FBXO4: variants seen among roughly 807,000 people sequenced by gnomAD.
FBXO4 encodes the protein F-box only protein 4.
Under a neutral mutation model 43.7 loss-of-function variants are expected in FBXO4, and 36 were observed. The ratio of observed to expected loss-of-function variants is 0.82; its 90% CI spans 0.63 to 1.09. FBXO4 has a LOEUF of 1.09. Among genes scored for constraint, FBXO4 ranks in the 50% least tolerant of loss-of-function variants. The probability of loss-of-function intolerance (pLI) is 0.00; values close to 1 mark genes in which losing one functional copy is unlikely to be tolerated. For missense variants in FBXO4, 435 were observed against 474.1 expected, an observed-to-expected ratio of 0.92 and a Z score of 0.77; for synonymous variants, 180 against 165.6, an observed-to-expected ratio of 1.09 and a Z score of -0.67.
At chr5:41,949,218 A>G in the FBXO4 span, among the ~76,000 whole-genome samples, 1 of 152,196 alleles carries the variant, frequency 6.6e-6, no homozygotes. Context: ...GGCCAGGGCA[A>G]TCAGGCAAGA....
the FBXO4 span, among the ~76,000 whole-genome samples, chr5:41,980,547 T>C: frequency 3.3e-5 from 5 of 152,154 alleles, no homozygotes; most frequent in Admixed American, 6.5e-5. Context: ...AGGCAGGAGT[T>C]GTAAATTATT....
At chr5:42,039,772 A>G in the FBXO4 span, among the ~76,000 whole-genome samples, 1 of 152,138 alleles carries the variant, frequency 6.6e-6, no homozygotes, top group South Asian at 2.1e-4. Flanking sequence ...TAAGTGCCCA[A>G]ATCAATTTGA....
the FBXO4 span, among the ~76,000 whole-genome samples, chr5:42,026,730 T>C: frequency 2.5e-4 from 38 of 151,836 alleles, 1 homozygote; most frequent in South Asian, 7.3e-3. Context: ...ATGAGGTATA[T>C]TCCTTCTACA....
chr5:41,999,555 A>ATATATG, the FBXO4 span, among the ~76,000 whole-genome samples: 337 of 119,888 alleles, frequency 2.8e-3, 6 homozygotes, highest in Middle Eastern at 8.2e-3. Flanking sequence ...GTATATATAT[A>ATATATG]TATATATGTA....
At chr5:41,947,744 T>G in the FBXO4 span, among the ~76,000 whole-genome samples, 1 of 152,296 alleles carries the variant, frequency 6.6e-6, no homozygotes, top group Middle Eastern at 3.4e-3. Flanking sequence ...GTGGTCAAAG[T>G]GAGAAAGCTT....
At chr5:41,985,196 G>A in the FBXO4 span, among the ~76,000 whole-genome samples, 5 of 152,102 alleles carry the variant, frequency 3.3e-5, no homozygotes, top group African/African-American at 1.2e-4. Flanking sequence ...TATTCTAAAT[G>A]CTTCCCATTG....
At chr5:41,948,962 C>T in the FBXO4 span, among the ~76,000 whole-genome samples, 1 of 152,100 alleles carries the variant, frequency 6.6e-6, no homozygotes, top group Non-Finnish European at 1.5e-5. Flanking sequence ...ATGACAAAAA[C>T]GACATGATTA....
chr5:42,030,850 T>C, the FBXO4 span, among the ~76,000 whole-genome samples: 1 of 151,884 alleles, frequency 6.6e-6, no homozygotes, highest in East Asian at 1.9e-4. Flanking sequence ...AAAAAATACA[T>C]AAAAAAATCC....
chr5:41,930,142 T>C, intron 3 of FBXO4: 1 of 474,320 alleles, frequency 2.1e-6, no homozygotes, highest in Non-Finnish European at 3.7e-6. Flanking sequence ...TTTAAGATTA[T>C]GTGAAAATAA....
chr5:42,015,323 A>C, the FBXO4 span, among the ~76,000 whole-genome samples: 1 of 152,208 alleles, frequency 6.6e-6, no homozygotes. Context: ...AAACTGACAC[A>C]TTTCTATTAC....
At chr5:42,001,619 A>G in the FBXO4 span, among the ~76,000 whole-genome samples, 2 of 152,190 alleles carry the variant, frequency 1.3e-5, no homozygotes, top group East Asian at 3.8e-4. Context: ...GGTTAAGTTT[A>G]TTCCTAAGTA....
chr5:41,967,612 C>T, the FBXO4 span: 4 of 1,082,306 alleles, frequency 3.7e-6, no homozygotes, highest in Non-Finnish European at 5.6e-6. Context: ...CCACATTCTT[C>T]CCTAGGGTTG....
chr5:41,953,768 T>C, the FBXO4 span, among the ~76,000 whole-genome samples: 1 of 151,886 alleles, frequency 6.6e-6, no homozygotes, highest in Non-Finnish European at 1.5e-5. Context: ...CATTTTTTCA[T>C]GTGTCTTTTG....
At chr5:41,929,550 G>C in intron 2 of FBXO4, 147 bp from the exon 3 acceptor site, 2 of 625,218 alleles carry the variant, frequency 3.2e-6, no homozygotes, top group Admixed American at 3.4e-5. Context: ...TATTATAAAG[G>C]TGTCTGTCTA....
downstream of FBXO4, among the ~76,000 whole-genome samples, chr5:41,945,634 A>G (rs1004180465): frequency 6.6e-6 from 1 of 152,196 alleles, no homozygotes; most frequent in African/African-American, 2.4e-5. Flanking sequence ...AGAAAAGCCG[A>G]CGTTCATAGC....
chr5:41,986,674 C>G, the FBXO4 span, among the ~76,000 whole-genome samples: 1 of 152,086 alleles, frequency 6.6e-6, no homozygotes, highest in African/African-American at 2.4e-5. Context: ...TTCTTTCACT[C>G]AAGTGCTAAC....
downstream of FBXO4, among the ~76,000 whole-genome samples, chr5:41,946,545 C>G (rs1357241174): frequency 3.3e-5 from 5 of 152,276 alleles, no homozygotes; most frequent in African/African-American, 1.2e-4. Context: ...CAGAAACGAT[C>G]TATTTCATGA....
chr5:41,958,187 T>G, the FBXO4 span, among the ~76,000 whole-genome samples: 1 of 148,536 alleles, frequency 6.7e-6, no homozygotes, highest in Admixed American at 6.9e-5. Flanking sequence ...CAGGCTGGAG[T>G]GCAGTGGCGC....
the FBXO4 span, among the ~76,000 whole-genome samples, chr5:41,989,885 GT>G: frequency 6.6e-6 from 1 of 152,108 alleles, no homozygotes; most frequent in Non-Finnish European, 1.5e-5. Context: ...CTATTTAGCA[GT>G]TTAAGATTTT....
Sources: allele counts gnomAD v4.1 joint callset (sites outside exome capture counted in the v4.1 genomes callset), GRCh38; gene constraint gnomAD v4.1.1; transcripts MANE v1.5; gene names NCBI Gene and HGNC (gene_info 2026-07-23, HGNC 2026-07-21).